Variants in INPP4B observed in about 807,000 individuals in gnomAD.
INPP4B encodes the protein inositol polyphosphate-4-phosphatase type II B, also known as inositol polyphosphate 4-phosphatase type II.
Under a neutral mutation model 122.5 loss-of-function variants are expected in INPP4B, and 55 were observed. The ratio of observed to expected loss-of-function variants is 0.45; its 90% CI spans 0.36 to 0.56. The LOEUF is 0.56. INPP4B is among the 20% of genes least tolerant of loss of function. The pLI, the probability that INPP4B is intolerant of heterozygous loss-of-function variation, is 0.00. For missense variants in INPP4B, 1,000 were observed against 1,097.7 expected, an observed-to-expected ratio of 0.91 and a Z score of 1.26; for synonymous variants, 403 against 388.7, an observed-to-expected ratio of 1.04 and a Z score of -0.43.
chr4:142,542,470 G>A (rs1829049691), intron 2 of INPP4B, among the ~76,000 whole-genome samples: 2 of 152,040 alleles, frequency 1.3e-5, no homozygotes, highest in Admixed American at 6.6e-5. Context: ...AGAAAAACTA[G>A]CAAATTTTAT....
At chr4:142,583,382 C>T (rs1271118650) in intron 2 of INPP4B, 3 of 152,136 alleles carry the variant, frequency 2.0e-5, no homozygotes, top group African/African-American at 7.2e-5. Context: ...GGCTAAATCC[C>T]GCTAGGAAAA....
chr4:142,292,391 A>C (rs1756832066), intron 9 of INPP4B, among the ~76,000 whole-genome samples: 1 of 152,200 alleles, frequency 6.6e-6, no homozygotes, highest in South Asian at 2.1e-4. Flanking sequence ...TACTAGAAGC[A>C]AACGTCAATA....
chr4:142,722,695 G>A (rs1277384044), intron 2 of INPP4B, among the ~76,000 whole-genome samples: 1 of 152,078 alleles, frequency 6.6e-6, no homozygotes, highest in Non-Finnish European at 1.5e-5. Flanking sequence ...CTGATTTGCA[G>A]TTTAAATACT....
At chr4:142,477,839 A>G (rs376030176) in intron 2 of INPP4B, among the ~76,000 whole-genome samples, 2 of 152,222 alleles carry the variant, frequency 1.3e-5, no homozygotes, top group African/African-American at 4.8e-5. Context: ...GACAAATTCT[A>G]TCAGATATAT....
rs1039432824 is a variant in INPP4B, at chr4:142,481,211, A to G, written c.-190-18485T>C. Among the ~76,000 whole-genome samples the G allele has an allele frequency of 2.0e-5, 3 of 152,072 alleles. No individual in the cohort carries two copies. The East Asian group carries it at 5.8e-4, about 29-fold the overall frequency. On this transcript the variant is annotated intron_variant, in intron 2 of 25. Transcript: ENST00000262992. ...ACCTACTACAAATGAGTGAGAGAAC[A>G]GTAGGGGAATGAACACTAGAAGCTG...
intron 25 of INPP4B, chr4:142,030,223 G>A: frequency 6.5e-7 from 1 of 1,535,638 alleles, no homozygotes; most frequent in South Asian, 1.2e-5. Context: ...GGATAGAAGT[G>A]TCGAGAAGTT....
At chr4:142,625,310 A>C (rs1293948430) in intron 2 of INPP4B, among the ~76,000 whole-genome samples, 4 of 152,134 alleles carry the variant, frequency 2.6e-5, no homozygotes, top group African/African-American at 9.7e-5. Context: ...CAATGTACAA[A>C]AATCACAAGC....
At chr4:142,662,420 T>C (rs1439053797) in intron 2 of INPP4B, among the ~76,000 whole-genome samples, 1 of 152,168 alleles carries the variant, frequency 6.6e-6, no homozygotes, top group Non-Finnish European at 1.5e-5. Context: ...TTATGTGGCA[T>C]TGATGACTAA....
At chr4:142,648,222 C>T (rs1401843237) in intron 2 of INPP4B, among the ~76,000 whole-genome samples, 1 of 152,224 alleles carries the variant, frequency 6.6e-6, no homozygotes, top group Non-Finnish European at 1.5e-5. Flanking sequence ...CAAATAGGAA[C>T]AGCTCTGGTC....
At chr4:142,259,711 GTACAGCTA>G (rs1738725942) in intron 11 of INPP4B, among the ~76,000 whole-genome samples, 1 of 151,658 alleles carries the variant, frequency 6.6e-6, no homozygotes, top group Non-Finnish European at 1.5e-5. Flanking sequence ...CAAATACATT[GTACAGCTA>G]TACAAAAGTA....
At chr4:142,246,745 G>C (rs1729070099) in intron 11 of INPP4B, among the ~76,000 whole-genome samples, 1 of 152,170 alleles carries the variant, frequency 6.6e-6, no homozygotes, top group Admixed American at 6.5e-5. Context: ...TCTGCAAACA[G>C]AGACAATTCG....
Position 142,094,241 on chromosome 4 carries a change from C to T in INPP4B, c.2375-7985G>A, listed in dbSNP as rs75285829. On this transcript the variant is annotated intron_variant, in intron 23 of 25. Transcript: ENST00000262992. Reference sequence around the variant, plus strand: ...AAAGGAAACAGGAGTATGAGAAGGGCTTTACACAAATCCCCAGTTCAGTCT... The same window carrying T: ...AAAGGAAACAGGAGTATGAGAAGGGTTTTACACAAATCCCCAGTTCAGTCT... 1.8e-4 allele frequency among the ~76,000 whole-genome samples: 28 copies of T among 152,262 alleles called. No individual in the cohort carries two copies. The East Asian group carries it at 4.6e-3, about 25-fold the overall frequency.
intron 25 of INPP4B, chr4:142,029,761 CAG>C: frequency 1.0e-6 from 1 of 996,150 alleles, no homozygotes; most frequent in South Asian, 4.5e-5. Context: ...GAACTTGTCT[CAG>C]GGTTTCAGTG....
chr4:142,198,604 T>A (rs1223006493), intron 14 of INPP4B, among the ~76,000 whole-genome samples: 1 of 152,012 alleles, frequency 6.6e-6, no homozygotes, highest in African/African-American at 2.4e-5. Context: ...CTGTTCATTT[T>A]CTTGTTCTCA....
At chr4:142,334,424 G>A (rs997532740) in intron 7 of INPP4B, among the ~76,000 whole-genome samples, 1 of 152,138 alleles carries the variant, frequency 6.6e-6, no homozygotes, top group Non-Finnish European at 1.5e-5. Context: ...TGGGCATGAA[G>A]AGATCTCCTT....
At chr4:142,572,368 C>T (rs1459247022) in intron 2 of INPP4B, among the ~76,000 whole-genome samples, 1 of 152,070 alleles carries the variant, frequency 6.6e-6, no homozygotes, top group Non-Finnish European at 1.5e-5. Flanking sequence ...AATGCTTCTC[C>T]AGTAAGAAGT....
intron 2 of INPP4B, among the ~76,000 whole-genome samples, chr4:142,521,453 T>C (rs1826053697): frequency 6.6e-6 from 1 of 152,040 alleles, no homozygotes; most frequent in Non-Finnish European, 1.5e-5. Context: ...TTTTCTATTT[T>C]TAGCCATAAA....
chr4:142,678,484 G>C (rs181094898), intron 2 of INPP4B, among the ~76,000 whole-genome samples: 57 of 151,854 alleles, frequency 3.8e-4, no homozygotes, highest in African/African-American at 1.4e-3. Context: ...GCACCTCTTG[G>C]CCTCATTTAC....
At position 142,082,128 on chromosome 4, in the gene INPP4B, T is replaced by C. The variant is rs1174088365; in HGVS notation, c.2545A>G (p.Thr849Ala). Residue 849 changes from threonine (T) to alanine (A), a missense_variant, in exon 25 of 26, where the codon ACA (threonine) becomes GCA (alanine). Coordinates refer to ENST00000262992, the MANE Select transcript of INPP4B (RefSeq NM_001101669.3). ...FTCCKSAKDR[T>A]SMSVTLEQCS... Reference sequence around the variant, plus strand: ...TGTTCAAGTGTCACTGACATCGATGTCCTGTCTTTGGCACTTTTACAACAG... The same window carrying C: ...TGTTCAAGTGTCACTGACATCGATGCCCTGTCTTTGGCACTTTTACAACAG... 1 of 1,542,444 alleles carries C rather than the reference T, an allele frequency of 6.5e-7. No individual in the cohort carries two copies. Among genetic ancestry groups the C allele is most frequent in the East Asian group, 2.3e-5 (1 of 43,922 alleles).
Sources: allele counts gnomAD v4.1 joint callset (sites outside exome capture counted in the v4.1 genomes callset), GRCh38; gene constraint gnomAD v4.1.1; transcripts MANE v1.5; gene names NCBI Gene and HGNC (gene_info 2026-07-23, HGNC 2026-07-21).